RUBCN: variants seen among roughly 807,000 people sequenced by gnomAD.
RUBCN encodes the protein run domain Beclin-1-interacting and cysteine-rich domain-containing protein.
Under a neutral mutation model 113.2 loss-of-function variants are expected in RUBCN, and 74 were observed. The ratio of observed to expected loss-of-function variants is 0.65; its 90% CI spans 0.54 to 0.79. RUBCN has a LOEUF of 0.79. RUBCN is among the 30% of genes least tolerant of loss of function. RUBCN has a pLI of 0.00. For missense variants in RUBCN, 1,109 were observed against 1,251.7 expected (o/e 0.89, Z 1.72); for synonymous variants, 480 against 490.0 (o/e 0.98, Z 0.27).
At chr3:197,704,748 C>T (rs781083109) in intron 3 of RUBCN, 47 bp from the exon 4 acceptor site, 18 of 1,596,498 alleles carry the variant, frequency 1.1e-5, no homozygotes, top group East Asian at 4.5e-5. Flanking sequence ...CTGGTAGATA[C>T]GGCAAGATTG....
At chr3:197,710,874 A>C (rs1724889437) in intron 2 of RUBCN, among the ~76,000 whole-genome samples, 1 of 151,634 alleles carries the variant, frequency 6.6e-6, no homozygotes, top group Admixed American at 6.6e-5. Context: ...GCTGGAATGC[A>C]GTTGTGTGAT....
intron 2 of RUBCN, among the ~76,000 whole-genome samples, chr3:197,714,451 G>C (rs1244550803): frequency 6.6e-6 from 1 of 152,152 alleles, no homozygotes; most frequent in Non-Finnish European, 1.5e-5. Context: ...CTCCGGAGTA[G>C]CTGAGTCTAC....
chr3:197,695,173 G>A (rs1048224205), intron 9 of RUBCN, among the ~76,000 whole-genome samples: 1 of 147,864 alleles, frequency 6.8e-6, no homozygotes, highest in African/African-American at 2.5e-5. Context: ...AGCACTCTGG[G>A]AGGCCAAGCC....
chr3:197,698,871 GA>G (rs1253910908), intron 7 of RUBCN, among the ~76,000 whole-genome samples: 4 of 128,358 alleles, frequency 3.1e-5, no homozygotes, highest in South Asian at 2.7e-4. Context: ...TTTAAAAAAA[GA>G]AAAAAAAGTC....
At chr3:197,706,721 T>C (rs560031366) in intron 2 of RUBCN, among the ~76,000 whole-genome samples, 3 of 152,096 alleles carry the variant, frequency 2.0e-5, no homozygotes, top group African/African-American at 7.2e-5. Context: ...GACCAATCAA[T>C]GGTACAAAAT....
intron 11 of RUBCN, among the ~76,000 whole-genome samples, chr3:197,692,408 C>T (rs1286147609): frequency 1.3e-5 from 2 of 151,712 alleles, no homozygotes; most frequent in East Asian, 3.9e-4. Flanking sequence ...AAGTTCTGGG[C>T]ATCATTCAAG....
At chr3:197,739,558 T>G (rs1408346544), upstream of RUBCN, among the ~76,000 whole-genome samples, 2 of 149,736 alleles carry the variant, frequency 1.3e-5, no homozygotes, top group Non-Finnish European at 1.5e-5. Context: ...TAGCCGGGCG[T>G]GGTGGCGGGC....
chr3:197,689,502 CT>C (rs1428052272), intron 11 of RUBCN, among the ~76,000 whole-genome samples: 1 of 152,166 alleles, frequency 6.6e-6, no homozygotes, highest in Non-Finnish European at 1.5e-5. Flanking sequence ...GGAGAAGTGG[CT>C]GACACTCAAC....
intron 2 of RUBCN, among the ~76,000 whole-genome samples, chr3:197,713,701 G>A (rs1725201126): frequency 2.6e-5 from 4 of 151,934 alleles, no homozygotes; most frequent in South Asian, 4.2e-4. Context: ...GTGAGTGATC[G>A]TGCAATGTGA....
chr3:197,740,465 T>C (rs1289453991), upstream of RUBCN, among the ~76,000 whole-genome samples: 5 of 151,474 alleles, frequency 3.3e-5, no homozygotes, highest in Non-Finnish European at 7.4e-5. Context: ...CAAGACTCCA[T>C]CTTAAAAAAA....
At chr3:197,736,253 T>A (rs1219581228) in intron 1 of RUBCN, among the ~76,000 whole-genome samples, 1 of 152,176 alleles carries the variant, frequency 6.6e-6, no homozygotes, top group Non-Finnish European at 1.5e-5. Context: ...CCTCTTCGCG[T>A]TGGCCCCACT....
At chr3:197,715,456 G>C (rs952042476) in intron 2 of RUBCN, among the ~76,000 whole-genome samples, 3 of 151,944 alleles carry the variant, frequency 2.0e-5, no homozygotes, top group Admixed American at 6.6e-5. Flanking sequence ...AATAGTTCTC[G>C]GATTGTCCTA....
rs1369433640 is a variant in RUBCN, at chr3:197,704,522, C to T, written c.463+20G>A. The T allele has an allele frequency of 5.6e-6, 9 of 1,611,904 alleles. No homozygotes were observed. The highest frequency in any genetic ancestry group is 7.6e-6 in the Non-Finnish European group (9 of 1,178,022). On this transcript the variant is annotated intron_variant, in intron 4 of 19. Transcript: ENST00000296343. ...ACAACGAGGAAGCACAGATGACAGT[C>T]CTAAGTGGCCTCTACCTACCTGTGT...
chr3:197,713,714 A>G (rs13324462), intron 2 of RUBCN, among the ~76,000 whole-genome samples: 17,200 of 151,928 alleles, frequency 0.11, 1,194 homozygotes, highest in African/African-American at 0.19. Flanking sequence ...CAATGTGAGC[A>G]GATGAAACTG....
intron 4 of RUBCN, among the ~76,000 whole-genome samples, 195 bp downstream of exon 4, chr3:197,704,347 T>C (rs980690126): frequency 1.2e-4 from 19 of 152,188 alleles, no homozygotes; most frequent in African/African-American, 3.4e-4. Context: ...GCCGGGAGAA[T>C]TGCTTGAACC....
chr3:197,707,409 AC>A (rs1236481032), intron 2 of RUBCN, among the ~76,000 whole-genome samples: 1 of 150,796 alleles, frequency 6.6e-6, no homozygotes, highest in African/African-American at 2.5e-5. Flanking sequence ...CCTTAAATAA[AC>A]TACTTTTTTG....
chr3:197,706,628 A>C (rs1724327383), intron 2 of RUBCN, among the ~76,000 whole-genome samples: 2 of 152,014 alleles, frequency 1.3e-5, no homozygotes, highest in South Asian at 4.1e-4. Context: ...AGGTTGCAGT[A>C]AGCCGAGATC....
rs1251186918 is a variant in RUBCN, at chr3:197,701,150, G to C, written c.728-4C>G. ...GGAAAGGAAGTAGATCTTCTCTCTA[G>C]AATATAAAAGGAAATGGTAAGGGGA... On this transcript the variant is annotated splice_region_variant and splice_polypyrimidine_tract_variant and intron_variant, in intron 6 of 19. Coordinates refer to ENST00000296343, the MANE Select transcript of RUBCN (RefSeq NM_014687.4). The C allele has an allele frequency of 3.3e-6, 5 of 1,523,576 alleles. No homozygotes were observed. The highest frequency in any genetic ancestry group is 4.4e-6 in the Non-Finnish European group (5 of 1,139,472). 94.4% of individuals were successfully genotyped at this position (1,523,576 alleles called of 1,614,324 possible).
At chr3:197,733,926 T>C (rs1006992871) in intron 1 of RUBCN, among the ~76,000 whole-genome samples, 2 of 152,156 alleles carry the variant, frequency 1.3e-5, no homozygotes, top group South Asian at 2.1e-4. Flanking sequence ...TTGTTACTAT[T>C]AGCATAGTGA....
Sources: allele counts gnomAD v4.1 joint callset (sites outside exome capture counted in the v4.1 genomes callset), GRCh38; gene constraint gnomAD v4.1.1; transcripts MANE v1.5; gene names NCBI Gene and HGNC (gene_info 2026-07-23, HGNC 2026-07-21).